Variants in ANK2 observed in about 807,000 individuals in gnomAD.
The protein encoded by ANK2 is ankyrin-2.
A neutral mutation model predicts 360.5 loss-of-function variants in ANK2; 83 were observed. The ratio of observed to expected loss-of-function variants is 0.23; its 90% CI spans 0.19 to 0.28. ANK2 has a LOEUF of 0.28. Among genes scored for constraint, ANK2 ranks in the 10% least tolerant of loss-of-function variants. ANK2 has a pLI of 1.00. For missense variants in ANK2, 4,201 were observed against 4,795.7 expected, an observed-to-expected ratio of 0.88 and a Z score of 3.66; for synonymous variants, 1,740 against 1,759.5, an observed-to-expected ratio of 0.99 and a Z score of 0.28.
In ANK2 at chr4:113,356,613, A is replaced by G; in HGVS notation, c.7995A>G (p.Glu2665=). 6.2e-7 allele frequency: 1 copy of G among 1,614,094 alleles called. No homozygotes were observed. Among genetic ancestry groups the G allele is most frequent in the Middle Eastern group, 1.6e-4 (1 of 6,062 alleles). Residue 2665 remains glutamate, a synonymous_variant, in exon 38 of 46, where the codon GAA becomes GAG. Coordinates refer to ENST00000357077, the MANE Select transcript of ANK2 (RefSeq NM_001148.6). ...SESRKVSSSS[E]SEPELAQLKK... is the part of the protein sequence containing the mutation. ...GCAGGAAGGTGTCTTCCTCCTCAGAAAGTGAACCTGAGTTGGCACAGCTTA... is the reference window on the plus strand; with the variant it reads ...GCAGGAAGGTGTCTTCCTCCTCAGAGAGTGAACCTGAGTTGGCACAGCTTA...
rs570236884 is a variant in ANK2, at chr4:112,980,375, T to G, written c.21+75861T>G. 5.2e-5 allele frequency: 8 copies of G among 152,960 alleles called. No individual in the cohort carries two copies. The East Asian group carries it at 1.5e-3, about 30-fold the overall frequency. 9.5% of individuals were successfully genotyped at this position (152,960 alleles called of 1,614,324 possible). On this transcript the variant is annotated intron_variant, in intron 2 of 30. Transcript: ENST00000503271. ...TGTGGCTGCAGCCTGACCGAGAGCGTGGGCTCCTGATGCAAACTCGGTGGG... is the reference window on the plus strand; with the variant it reads ...TGTGGCTGCAGCCTGACCGAGAGCGGGGGCTCCTGATGCAAACTCGGTGGG...
chr4:113,133,243 C>T (rs1715894732), intron 1 of ANK2, among the ~76,000 whole-genome samples: 1 of 152,038 alleles, frequency 6.6e-6, no homozygotes, highest in Admixed American at 6.6e-5. Context: ...ACCTTTTATT[C>T]TGAAATTAAA....
At chr4:113,000,800 A>G (rs2050331436) in intron 2 of ANK2, among the ~76,000 whole-genome samples, 1 of 152,218 alleles carries the variant, frequency 6.6e-6, no homozygotes, top group Admixed American at 6.5e-5. Context: ...CATAGTCTTC[A>G]TGACTGAACA....
chr4:113,296,612 G>A (rs190099465), intron 22 of ANK2, among the ~76,000 whole-genome samples: 179 of 152,290 alleles, frequency 1.2e-3, no homozygotes, highest in African/African-American at 3.8e-3. Flanking sequence ...AGAAACTTCT[G>A]AGACATTTTG....
chr4:112,766,748 T>C, the ANK2 span, among the ~76,000 whole-genome samples: 1 of 152,208 alleles, frequency 6.6e-6, no homozygotes, highest in African/African-American at 2.4e-5. Flanking sequence ...CATCTGTGCG[T>C]CTCTAAACCA....
intron 2 of ANK2, among the ~76,000 whole-genome samples, chr4:112,933,748 C>A (rs113203535): frequency 0.021 from 3,203 of 152,264 alleles, 90 homozygotes; most frequent in African/African-American, 0.065. Context: ...GATCTGCCCA[C>A]CTTGGCCTCC....
intron 2 of ANK2, among the ~76,000 whole-genome samples, chr4:112,983,597 C>T (rs955665250): frequency 6.6e-6 from 1 of 152,080 alleles, no homozygotes; most frequent in Non-Finnish European, 1.5e-5. Flanking sequence ...ATTGCTTGAA[C>T]CTGGGAGGCA....
intron 22 of ANK2, among the ~76,000 whole-genome samples, chr4:113,300,764 T>C (rs2074535324): frequency 6.6e-6 from 1 of 152,152 alleles, no homozygotes; most frequent in South Asian, 2.1e-4. Flanking sequence ...TAAAGGCAGC[T>C]CAACACGATC....
intron 1 of ANK2, among the ~76,000 whole-genome samples, chr4:112,870,074 C>T (rs977507242): frequency 2.0e-5 from 3 of 152,108 alleles, no homozygotes; most frequent in African/African-American, 4.8e-5. Context: ...TCTGGGTTCA[C>T]TGCAACCTCC....
At chr4:113,168,190 A>G (rs2097820211) in intron 1 of ANK2, among the ~76,000 whole-genome samples, 1 of 152,198 alleles carries the variant, frequency 6.6e-6, no homozygotes, top group Non-Finnish European at 1.5e-5. Flanking sequence ...TACTAAGTTA[A>G]AGGAAAAATT....
chr4:113,345,089 T>G (rs1487621713), intron 34 of ANK2, among the ~76,000 whole-genome samples: 1 of 152,170 alleles, frequency 6.6e-6, no homozygotes, highest in African/African-American at 2.4e-5. Context: ...ACGTTTTATG[T>G]TACATATATT....
intron 2 of ANK2, among the ~76,000 whole-genome samples, chr4:112,994,559 T>TA (rs1307373162): frequency 5.9e-5 from 9 of 152,220 alleles, no homozygotes; most frequent in Non-Finnish European, 1.2e-4. Context: ...TCCAGTAGTT[T>TA]AAAAAATTCA....
intron 2 of ANK2, among the ~76,000 whole-genome samples, chr4:113,028,561 G>C: frequency 6.6e-6 from 1 of 152,092 alleles, no homozygotes; most frequent in East Asian, 1.9e-4. Context: ...ATGTTCTAAG[G>C]ACACAGTGGA....
rs2033638133 is a variant in ANK2, at chr4:112,959,648, T to TA, written c.21+55135dup. On this transcript the variant is annotated intron_variant, in intron 2 of 30. Transcript: ENST00000503271. The stretch of plus-strand genomic sequence containing the variant: ...AACTGCCTTTTATGACCAGAATTCC[T>TA]ACCTTAAATGTATTGATGTGTAGGA... Among the ~76,000 whole-genome samples, 3 of 152,228 alleles carry TA rather than the reference T, an allele frequency of 2.0e-5. 1 individual carries two copies. The South Asian group carries it at 6.2e-4, about 32-fold the overall frequency.
chr4:112,814,754 G>T (rs1308730663), upstream of ANK2, among the ~76,000 whole-genome samples: 1 of 152,162 alleles, frequency 6.6e-6, no homozygotes, highest in Non-Finnish European at 1.5e-5. Flanking sequence ...AGTGATGATG[G>T]TAGCCTGTGC....
chr4:113,041,032 A>G (rs1212324973), intron 2 of ANK2, among the ~76,000 whole-genome samples: 1 of 152,050 alleles, frequency 6.6e-6, no homozygotes, highest in Non-Finnish European at 1.5e-5. Context: ...TGGTGGTGAC[A>G]GACTAATGCA....
chr4:113,304,402 G>A (rs29301), intron 23 of ANK2, among the ~76,000 whole-genome samples: 81,548 of 152,008 alleles, frequency 0.54, 22,378 homozygotes, highest in South Asian at 0.63. Flanking sequence ...AATAGCATGT[G>A]TAATATGAGT....
At chr4:113,058,663 A>G (rs1737689163) in intron 1 of ANK2, among the ~76,000 whole-genome samples, 1 of 152,112 alleles carries the variant, frequency 6.6e-6, no homozygotes, top group Admixed American at 6.6e-5. Flanking sequence ...CTCTTACTCC[A>G]TAGCACTGTC....
chr4:112,706,085 G>A, the ANK2 span, among the ~76,000 whole-genome samples: 2 of 151,100 alleles, frequency 1.3e-5, no homozygotes, highest in East Asian at 2.0e-4. Context: ...ACGCGGAGGA[G>A]ACCGAGGAGA....
Sources: gnomAD v4.1 joint callset for allele counts (sites outside exome capture counted in the v4.1 genomes callset) on GRCh38, gnomAD v4.1.1 for gene constraint, MANE v1.5 for transcripts, NCBI Gene and HGNC (gene_info 2026-07-23, HGNC 2026-07-21) for gene names.